GGA3: variants seen among roughly 807,000 people sequenced by gnomAD.
GGA3 encodes golgi associated, gamma adaptin ear containing, ARF binding protein 3.
A neutral mutation model predicts 77.5 loss-of-function variants in GGA3; 57 were observed. The observed-to-expected ratio is 0.74, with a 90% CI of 0.59 to 0.92. The LOEUF (loss-of-function observed/expected upper bound fraction) is 0.92, where lower values mean the gene tolerates loss of function less well. Ranked by LOEUF, GGA3 falls within the 40% of genes least tolerant of loss-of-function variation. GGA3 has a pLI of 0.00. For missense variants in GGA3, 970 were observed against 914.9 expected (o/e 1.06, Z -0.78); for synonymous variants, 416 against 383.7 (o/e 1.08, Z -0.98).
chr17:75,243,937 C>T (rs1335268376), intron 4 of GGA3, among the ~76,000 whole-genome samples: 1 of 152,130 alleles, frequency 6.6e-6, no homozygotes, highest in African/African-American at 2.4e-5. Flanking sequence ...CGGATGGAAA[C>T]CTGAGTCTGA....
rs1215404638 is a variant in GGA3 at position 75,237,464 on chromosome 17, G to A, written c.*815C>T. ...GCAGTTTATTTCATGCCAAGCAAGA[G>A]GTAGTCAGTAGGATGGCCTGTCCCC... On this transcript the variant is annotated 3_prime_UTR_variant, in exon 17 of 17. Coordinates refer to ENST00000537686, the MANE Select transcript of GGA3 (RefSeq NM_138619.4). 6.5e-7 allele frequency: 1 copy of A among 1,533,190 alleles called. No individual in the cohort carries two copies. The highest frequency in any genetic ancestry group is 1.2e-5 in the South Asian group (1 of 84,010). The allele number at this position is 1,533,190 out of a possible 1,614,324, so 95.0% of individuals were successfully genotyped here.
chr17:75,249,224 T>G (rs1022690364), intron 1 of GGA3, among the ~76,000 whole-genome samples: 2 of 150,756 alleles, frequency 1.3e-5, no homozygotes, highest in Non-Finnish European at 2.9e-5. Flanking sequence ...TTTTGTATTT[T>G]TAGTAGAGAT....
Position 75,238,400 on chromosome 17 carries a change from G to A in GGA3, c.2062-11C>T, listed in dbSNP as rs1192137603. 1.2e-6 allele frequency: 2 copies of A among 1,611,416 alleles called. No homozygotes were observed. Among genetic ancestry groups the A allele is most frequent in the Non-Finnish European group, 1.7e-6 (2 of 1,178,482 alleles). ...AAGCCGCACCTTCTCCTGTGACAGA[G>A]GGCAGCAAGTGAGATCCAGCCCAGG... is the stretch of plus-strand genomic sequence containing the variant. On this transcript the variant is annotated splice_polypyrimidine_tract_variant and intron_variant, in intron 16 of 16. Transcript: ENST00000537686.
chr17:75,242,659 G>A (rs962657480), intron 7 of GGA3, among the ~76,000 whole-genome samples, 172 bp downstream of exon 7: 5 of 152,056 alleles, frequency 3.3e-5, no homozygotes, highest in Admixed American at 1.3e-4. Context: ...CCTCTCTTCC[G>A]TGCTCCCGCG....
At position 75,237,923 on chromosome 17, in the gene GGA3, C is replaced by T; in HGVS notation, c.*356G>A. 2.0e-6 allele frequency: 1 copy of T among 496,584 alleles called. No individual in the cohort carries two copies. The highest frequency in any genetic ancestry group is 6.5e-4 in the Middle Eastern group (1 of 1,548). 30.8% of individuals were successfully genotyped at this position (496,584 alleles called of 1,614,324 possible). A position where few individuals can be genotyped will look rare whatever the true frequency, so the allele number is the denominator to read the frequency against. Reference sequence around the variant, plus strand: ...ACAGTCTCTCTTTAGAGACTCCCACCCCCCACCCCCCACCCCAGTGGCTTC... The same window carrying T: ...ACAGTCTCTCTTTAGAGACTCCCACTCCCCACCCCCCACCCCAGTGGCTTC... On this transcript the variant is annotated 3_prime_UTR_variant, in exon 17 of 17. Coordinates refer to ENST00000537686, the MANE Select transcript of GGA3 (RefSeq NM_138619.4).
chr17:75,248,075 A>G (rs2076816918), intron 1 of GGA3, among the ~76,000 whole-genome samples: 1 of 152,196 alleles, frequency 6.6e-6, no homozygotes, highest in South Asian at 2.1e-4. Flanking sequence ...GATCTCTATG[A>G]GGGCCCAAAG....
rs377214878 is a variant in GGA3, at chr17:75,240,063, C to T, written c.1309G>A (p.Ala437Thr). The T allele has an allele frequency of 5.4e-4, 747 of 1,391,954 alleles. 2 individuals carry two copies. The highest frequency in any genetic ancestry group is 5.5e-4 in the Non-Finnish European group (575 of 1,047,674). The allele number at this position is 1,391,954 out of a possible 1,614,324, so 86.2% of individuals were successfully genotyped here. The change falls in exon 13 of 17, where the codon GCT becomes ACT. Residue 437 changes from alanine (A) to threonine (T), a missense_variant. Coordinates refer to ENST00000537686, the MANE Select transcript of GGA3 (RefSeq NM_138619.4). ...GGAGCATCGGAGGCGCCACAGGCAG[C>T]GGTCCCCGGCCTGGGGCTGAAGAAG... ...LDFFSPRPGT[A>T]ACGASDAPLL...
chr17:75,260,568 A>C (rs1206999909), intron 1 of GGA3, among the ~76,000 whole-genome samples: 1 of 152,166 alleles, frequency 6.6e-6, no homozygotes, highest in Non-Finnish European at 1.5e-5. Context: ...GAAAAATCAG[A>C]CAATTTGAGG....
At position 75,237,235 on chromosome 17, in the gene GGA3, C is replaced by T. The variant is rs756482320; in HGVS notation, c.*1044G>A. 1.7e-6 allele frequency: 1 copy of T among 595,762 alleles called. No individual in the cohort carries two copies. The highest frequency in any genetic ancestry group is 2.8e-5 in the East Asian group (1 of 35,916). 36.9% of individuals were successfully genotyped at this position (595,762 alleles called of 1,614,324 possible). ...CCGATCTCATCACCTCCAGACCCAA[C>T]ATCTCGCTGACAGTGCCCCTCAGTA... On this transcript the variant is annotated 3_prime_UTR_variant, in exon 17 of 17. Coordinates refer to ENST00000537686, the MANE Select transcript of GGA3 (RefSeq NM_138619.4).
Position 75,248,425 on chromosome 17 carries a change from C to T in GGA3, c.41-1629G>A, listed in dbSNP as rs188655163. On this transcript the variant is annotated intron_variant, in intron 1 of 16. Transcript: ENST00000537686. ...GGTGGAGTCTGCAGTGAGCTGAGAT[C>T]GCACCACTGCATTCCAGCCTGGGCG... Among the ~76,000 whole-genome samples the T allele has an allele frequency of 1.3e-4, 16 of 122,570 alleles. No homozygotes were observed. In the South Asian group the frequency reaches 1.6e-3, roughly 12 times the overall value. The allele number at this position is 122,570 out of a possible 152,430, so 80.4% of individuals were successfully genotyped here.
intron 11 of GGA3, 48 bp downstream of exon 11, chr17:75,240,760 TCCTC>T: frequency 6.5e-7 from 1 of 1,546,740 alleles, no homozygotes; most frequent in Non-Finnish European, 8.7e-7. Context: ...CACACACCCT[TCCTC>T]CCAGAGCCCT....
chr17:75,262,110 T>A, upstream of GGA3: 1 of 1,147,580 alleles, frequency 8.7e-7, no homozygotes, highest in Non-Finnish European at 1.2e-6. Flanking sequence ...AGCTTCTAAG[T>A]TAGCTGCGTG....
chr17:75,246,943 G>C (rs2076781163), intron 1 of GGA3, 147 bp from the exon 2 acceptor site: 1 of 590,818 alleles, frequency 1.7e-6, no homozygotes, highest in Non-Finnish European at 3.0e-6. Context: ...TCAGTAGCAA[G>C]GAGACAGAAA....
intron 1 of GGA3, among the ~76,000 whole-genome samples, chr17:75,256,315 C>A (rs2077149861): frequency 6.6e-6 from 1 of 152,072 alleles, no homozygotes. Flanking sequence ...ATATTATTTT[C>A]TTCCTCATAC....
At chr17:75,249,786 A>G (rs938332415) in intron 1 of GGA3, among the ~76,000 whole-genome samples, 1 of 152,182 alleles carries the variant, frequency 6.6e-6, no homozygotes, top group Non-Finnish European at 1.5e-5. Flanking sequence ...ACAGAGTAAA[A>G]TGTGGATCCC....
chr17:75,262,138 A>G (rs376480863), upstream of GGA3: 6 of 883,946 alleles, frequency 6.8e-6, no homozygotes, highest in African/African-American at 1.7e-5. Context: ...GCCAATCCGA[A>G]GGTTTAGTGA....
In GGA3 at chr17:75,240,072, G is replaced by A. The variant is rs1454613479; in HGVS notation, c.1300C>T (p.Pro434Ser). The A allele has an allele frequency of 6.4e-7, 1 of 1,551,198 alleles. No individual in the cohort carries two copies. The highest frequency in any genetic ancestry group is 8.7e-7 in the Non-Finnish European group (1 of 1,148,348). Residue 434 changes from proline (P) to serine (S), a missense_variant, in exon 13 of 17, where the codon CCG becomes TCG. Transcript: ENST00000537686. ...QSDLDFFSPR[P>S]GTAACGASDA... is the part of the protein sequence containing the mutation. ...GAGGCGCCACAGGCAGCGGTCCCCG[G>A]CCTGGGGCTGAAGAAGTCCAGGTCG...
chr17:75,238,184 T>G lies in GGA3; in HGVS notation c.*95A>C. ...TGTTCCACATCAAAGCTACAAGCAC[T>G]GTTGTCAGGGCATGGAGAGTGACGG... On this transcript the variant is annotated 3_prime_UTR_variant, in exon 17 of 17. Coordinates refer to ENST00000537686, the MANE Select transcript of GGA3 (RefSeq NM_138619.4). 1 of 1,529,234 alleles carries G rather than the reference T, an allele frequency of 6.5e-7. No individual in the cohort carries two copies. Among genetic ancestry groups the G allele is most frequent in the Non-Finnish European group, 8.8e-7 (1 of 1,138,162 alleles). 94.7% of individuals were successfully genotyped at this position (1,529,234 alleles called of 1,614,324 possible).
At chr17:75,252,232 CTTG>C (rs2076991242) in intron 1 of GGA3, among the ~76,000 whole-genome samples, 1 of 151,346 alleles carries the variant, frequency 6.6e-6, no homozygotes, top group Non-Finnish European at 1.5e-5. Flanking sequence ...CAGGCGTGTG[CTTG>C]TTCTTTTTTT....
Sources: allele counts gnomAD v4.1 joint callset (sites outside exome capture counted in the v4.1 genomes callset), GRCh38; gene constraint gnomAD v4.1.1; transcripts MANE v1.5; gene names NCBI Gene and HGNC (gene_info 2026-07-23, HGNC 2026-07-21).